The following TMEM135 variants were observed in gnomAD, a reference collection of about 807,000 sequenced individuals.
The protein encoded by TMEM135 is peroxisomal membrane protein 52.
A neutral mutation model predicts 60.3 loss-of-function variants in TMEM135; 30 were observed. That is an observed-to-expected ratio of 0.50 (90% confidence interval 0.37 to 0.68). The LOEUF is 0.68. Ranked by LOEUF, TMEM135 falls within the 30% of genes least tolerant of loss-of-function variation. The pLI is 0.00. For missense variants in TMEM135, 468 were observed against 548.8 expected (o/e 0.85, Z 1.47); for synonymous variants, 190 against 186.7 (o/e 1.02, Z -0.14).
chr11:87,146,512 G>A (rs897847296), intron 4 of TMEM135, among the ~76,000 whole-genome samples: 7 of 152,094 alleles, frequency 4.6e-5, no homozygotes, highest in African/African-American at 1.7e-4. Context: ...AAGTAGCTGG[G>A]AGGCTACTTC....
At chr11:87,206,943 GATTAAAAA>G (rs1317580653) in intron 5 of TMEM135, among the ~76,000 whole-genome samples, 1 of 151,984 alleles carries the variant, frequency 6.6e-6, no homozygotes, top group Non-Finnish European at 1.5e-5. Flanking sequence ...TCAAGAGTAA[GATTAAAAA>G]AAATTATCCC....
chr11:87,197,643 T>G (rs1179619127), intron 5 of TMEM135, among the ~76,000 whole-genome samples: 2 of 146,054 alleles, frequency 1.4e-5, no homozygotes, highest in African/African-American at 5.0e-5. Context: ...TGTGGTTTTA[T>G]GTGTAGCTTA....
chr11:87,141,453 C>T (rs1938260083), intron 4 of TMEM135, among the ~76,000 whole-genome samples: 1 of 152,130 alleles, frequency 6.6e-6, no homozygotes, highest in African/African-American at 2.4e-5. Context: ...GTTTGCTAAA[C>T]TTATGACTAG....
chr11:87,291,297 C>A (rs547047918), intron 6 of TMEM135, among the ~76,000 whole-genome samples: 1 of 152,090 alleles, frequency 6.6e-6, no homozygotes, highest in East Asian at 1.9e-4. Flanking sequence ...AATGAGTGGC[C>A]GTATTATCCT....
chr11:87,215,445 T>C (rs774646635), intron 5 of TMEM135, among the ~76,000 whole-genome samples: 1 of 152,198 alleles, frequency 6.6e-6, no homozygotes, highest in Non-Finnish European at 1.5e-5. Context: ...GTTTGGGACC[T>C]TGACTGGGGC....
In TMEM135 at chr11:87,048,026, A is replaced by G. The variant is rs1228438188; in HGVS notation, c.141+9840A>G. 7.4e-5 allele frequency among the ~76,000 whole-genome samples: 5 copies of G among 67,740 alleles called. 1 individual carries two copies. The highest frequency in any genetic ancestry group is 1.2e-4 in the Non-Finnish European group (5 of 40,734). The allele number at this position is 67,740 out of a possible 152,430, so 44.4% of individuals were successfully genotyped here. A position where few individuals can be genotyped will look rare whatever the true frequency, so the allele number is the denominator to read the frequency against. On this transcript the variant is annotated intron_variant, in intron 1 of 14. Transcript: ENST00000305494. ...CTGACCCCTGACCCCTGAGCAGCCT[A>G]ACTGGGAGGCACCCCCCAGCAGGGG...
At chr11:87,102,076 T>G (rs2135185086) in intron 4 of TMEM135, among the ~76,000 whole-genome samples, 1 of 152,336 alleles carries the variant, frequency 6.6e-6, no homozygotes, top group South Asian at 2.1e-4. Context: ...AAGCACATTC[T>G]CTGGCAGACA....
intron 4 of TMEM135, among the ~76,000 whole-genome samples, chr11:87,117,042 C>CT (rs1468796741): frequency 6.6e-6 from 1 of 152,056 alleles, no homozygotes; most frequent in Admixed American, 6.6e-5. Context: ...AGGCTGGTCT[C>CT]TAACTTCTGA....
chr11:87,062,881 A>G (rs909381497), intron 1 of TMEM135, among the ~76,000 whole-genome samples: 10 of 152,228 alleles, frequency 6.6e-5, no homozygotes, highest in African/African-American at 2.2e-4. Flanking sequence ...CACGTTTCTA[A>G]ACAAGGATTT....
At chr11:87,320,010 A>G (rs1942793828) in intron 14 of TMEM135, among the ~76,000 whole-genome samples, 2 of 152,152 alleles carry the variant, frequency 1.3e-5, no homozygotes, top group African/African-American at 4.8e-5. Context: ...GTATGGTTGT[A>G]GGAAAATTAA....
At chr11:87,262,924 A>G (rs544001340) in intron 6 of TMEM135, among the ~76,000 whole-genome samples, 1 of 152,238 alleles carries the variant, frequency 6.6e-6, no homozygotes, top group South Asian at 2.1e-4. Flanking sequence ...TTTTGTGAGT[A>G]TGAGTTGCCT....
chr11:87,204,809 G>A (rs1940199249), intron 5 of TMEM135, among the ~76,000 whole-genome samples: 1 of 152,114 alleles, frequency 6.6e-6, no homozygotes, highest in Non-Finnish European at 1.5e-5. Flanking sequence ...AGAGGTGGAA[G>A]AAAATCAACA....
chr11:87,272,051 CTTTTTTTT>C (rs773654603), intron 6 of TMEM135, among the ~76,000 whole-genome samples: 34 of 81,160 alleles, frequency 4.2e-4, no homozygotes, highest in African/African-American at 1.1e-3. Context: ...TTTTTCTTTT[CTTTTTTTT>C]TTTTTTTTTT....
In TMEM135 at chr11:87,220,042, T is replaced by G. The variant is rs182299658; in HGVS notation, c.463-16596T>G. 6.0e-3 allele frequency among the ~76,000 whole-genome samples: 920 copies of G among 152,332 alleles called. 15 individuals carry two copies. The highest frequency in any genetic ancestry group is 0.01 in the Middle Eastern group (3 of 294). On this transcript the variant is annotated intron_variant, in intron 5 of 14. Transcript: ENST00000305494. ...TTTGAAGCAGAGTAATTAGCAATAC[T>G]TTAATGTTTAGTTTTCATTAACAAC...
chr11:87,206,954 A>G (rs1332137738), intron 5 of TMEM135, among the ~76,000 whole-genome samples: 1 of 152,160 alleles, frequency 6.6e-6, no homozygotes, highest in Non-Finnish European at 1.5e-5. Flanking sequence ...ATTAAAAAAA[A>G]TTATCCCCAG....
At chr11:87,269,596 T>C (rs1364801493) in intron 6 of TMEM135, among the ~76,000 whole-genome samples, 2 of 151,328 alleles carry the variant, frequency 1.3e-5, no homozygotes, top group African/African-American at 4.9e-5. Flanking sequence ...ACATGTGGTG[T>C]TTGGTTTTTT....
At chr11:87,083,385 T>C (rs1857029649) in intron 3 of TMEM135, among the ~76,000 whole-genome samples, 2 of 152,252 alleles carry the variant, frequency 1.3e-5, no homozygotes, top group Admixed American at 6.5e-5. Flanking sequence ...TGATGGATTT[T>C]GTTTTGTAGA....
Position 87,327,938 on chromosome 11 carries a change from GC to G in TMEM135, c.*6607del, listed in dbSNP as rs748272943. On this transcript the variant is annotated 3_prime_UTR_variant, in exon 15 of 15. Coordinates refer to ENST00000305494, the MANE Select transcript of TMEM135 (RefSeq NM_022918.4). ...CCCAGGCCTCCAGTGGATTGGAGGT[GC>G]CTGCCCATATTGAGGGCAGATCTTC... 34 of 453,858 alleles carry G rather than the reference GC, an allele frequency of 7.5e-5. No individual in the cohort carries two copies. The highest frequency in any genetic ancestry group is 6.1e-4 in the Admixed American group (26 of 42,528). 28.1% of individuals were successfully genotyped at this position (453,858 alleles called of 1,614,324 possible).
intron 5 of TMEM135, among the ~76,000 whole-genome samples, chr11:87,228,692 A>G (rs1328256799): frequency 6.6e-6 from 1 of 152,158 alleles, no homozygotes; most frequent in Non-Finnish European, 1.5e-5. Flanking sequence ...AATCAAATAC[A>G]CTAATGAAAA....
Sources: gnomAD v4.1 joint callset for allele counts (sites outside exome capture counted in the v4.1 genomes callset) on GRCh38, gnomAD v4.1.1 for gene constraint, MANE v1.5 for transcripts, NCBI Gene and HGNC (gene_info 2026-07-23, HGNC 2026-07-21) for gene names.